The following DIP2C variants were observed in gnomAD, a reference collection of about 807,000 sequenced individuals.
DIP2C encodes disco-interacting protein 2 homolog C.
In DIP2C, 33 loss-of-function variants were observed where a neutral mutation model predicts 192.4. The ratio of observed to expected loss-of-function variants is 0.17; its 90% CI spans 0.13 to 0.23. The LOEUF (loss-of-function observed/expected upper bound fraction) is 0.23, where lower values mean the gene tolerates loss of function less well. DIP2C is among the 10% of genes least tolerant of loss of function. The pLI, the probability that DIP2C is intolerant of heterozygous loss-of-function variation, is 1.00. For missense variants in DIP2C, 1,537 were observed against 2,110.1 expected, an observed-to-expected ratio of 0.73 and a Z score of 5.32; for synonymous variants, 979 against 864.1, an observed-to-expected ratio of 1.13 and a Z score of -2.33.
chr10:441,782 C>A (rs1356210687), intron 3 of DIP2C, among the ~76,000 whole-genome samples: 1 of 152,188 alleles, frequency 6.6e-6, no homozygotes, highest in African/African-American at 2.4e-5. Context: ...ACTAATACAA[C>A]CATTAACACG....
chr10:535,570 C>G (rs1847650986), intron 1 of DIP2C, among the ~76,000 whole-genome samples: 1 of 152,134 alleles, frequency 6.6e-6, no homozygotes, highest in African/African-American at 2.4e-5. Flanking sequence ...CATTTACACT[C>G]TGCAGTGACA....
In DIP2C at chr10:688,465, A is replaced by C. The variant is rs145516102; in HGVS notation, c.85+1029T>G. On this transcript the variant is annotated intron_variant, in intron 1 of 36. Coordinates refer to ENST00000280886, the MANE Select transcript of DIP2C (RefSeq NM_014974.3). ...CTGCCGGTGAAAATTGGCACGAATGAGTTTACTTTCTGGCTGCCGGCCCTC... is the reference window on the plus strand; with the variant it reads ...CTGCCGGTGAAAATTGGCACGAATGCGTTTACTTTCTGGCTGCCGGCCCTC... Among the ~76,000 whole-genome samples, 224 of 152,306 alleles carry C rather than the reference A, an allele frequency of 1.5e-3. 4 individuals are homozygous for C. In the East Asian group the frequency reaches 0.038, roughly 26 times the overall value.
chr10:517,800 T>C (rs1305824530), intron 1 of DIP2C, among the ~76,000 whole-genome samples: 1 of 151,158 alleles, frequency 6.6e-6, no homozygotes, highest in Non-Finnish European at 1.5e-5. Context: ...AAAGGTCTCT[T>C]TATTAACAAC....
intron 1 of DIP2C, among the ~76,000 whole-genome samples, chr10:611,743 G>C (rs1853114609): frequency 6.6e-6 from 1 of 152,226 alleles, no homozygotes; most frequent in Non-Finnish European, 1.5e-5. Flanking sequence ...AGTGCCATGA[G>C]AGCAGGGGCT....
At chr10:330,361 T>TATC (rs5782546) in intron 29 of DIP2C, among the ~76,000 whole-genome samples, 149,357 of 152,220 alleles carry the variant, frequency 0.98, 73,326 homozygotes, top group East Asian at 1. Flanking sequence ...TTACATATTT[T>TATC]ATCAATTGAT....
rs185218058 is a variant in DIP2C, at chr10:528,406, A to G, written c.86-41876T>C. 4.6e-3 allele frequency among the ~76,000 whole-genome samples: 443 copies of G among 97,300 alleles called. 2 individuals carry two copies. Among genetic ancestry groups the G allele is most frequent in the African/African-American group, 7.6e-3 (111 of 14,594 alleles). 63.8% of individuals were successfully genotyped at this position (97,300 alleles called of 152,430 possible). A position where few individuals can be genotyped will look rare whatever the true frequency, so the allele number is the denominator to read the frequency against. ...AGCTCCCCCAGAACGCAGACCGCCC[A>G]CTGCTCCCCCAGAACGCAGACCGCC... On this transcript the variant is annotated intron_variant, in intron 1 of 36. Coordinates refer to ENST00000280886, the MANE Select transcript of DIP2C (RefSeq NM_014974.3).
At chr10:446,029 A>G (rs910860953) in intron 3 of DIP2C, among the ~76,000 whole-genome samples, 2 of 151,158 alleles carry the variant, frequency 1.3e-5, no homozygotes, top group East Asian at 3.9e-4. Context: ...TGCACTGGAC[A>G]TCTGTATACA....
chr10:612,491 G>A (rs1853164227), intron 1 of DIP2C, among the ~76,000 whole-genome samples: 1 of 152,184 alleles, frequency 6.6e-6, no homozygotes, highest in Admixed American at 6.5e-5. Context: ...TAAAACCTCA[G>A]GAGAAAAACA....
intron 4 of DIP2C, among the ~76,000 whole-genome samples, chr10:425,006 AGCG>A (rs1966485463): frequency 7.0e-6 from 1 of 141,898 alleles, no homozygotes; most frequent in Admixed American, 7.3e-5. Context: ...CAGCATGACC[AGCG>A]GTGACTAATA....
At position 542,189 on chromosome 10, in the gene DIP2C, C is replaced by T. The variant is rs1258461054; in HGVS notation, c.86-55659G>A. The stretch of plus-strand genomic sequence containing the variant: ...CCACCCTGTGACGGCTCACTCCCTC[C>T]TGAGCTCCTTCTGCTCCCTGCCTGC... On this transcript the variant is annotated intron_variant, in intron 1 of 36. Transcript: ENST00000280886. Among the ~76,000 whole-genome samples, 3 of 152,230 alleles carry T rather than the reference C, an allele frequency of 2.0e-5. No individual in the cohort carries two copies. In the East Asian group the frequency reaches 5.8e-4, roughly 29 times the overall value.
chr10:345,459 G>A (rs977411642), intron 26 of DIP2C, among the ~76,000 whole-genome samples: 7 of 150,650 alleles, frequency 4.6e-5, no homozygotes, highest in East Asian at 2.0e-4. Context: ...CAGTTCTCCC[G>A]GAAACGTCAC....
intron 1 of DIP2C, among the ~76,000 whole-genome samples, chr10:595,099 G>A (rs759534861): frequency 3.3e-5 from 5 of 152,168 alleles, no homozygotes; most frequent in Non-Finnish European, 7.3e-5. Flanking sequence ...CTGGGCACTC[G>A]GGACAAGAGG....
At chr10:489,180 T>C (rs1352424029) in intron 1 of DIP2C, among the ~76,000 whole-genome samples, 1 of 152,204 alleles carries the variant, frequency 6.6e-6, no homozygotes, top group East Asian at 1.9e-4. Context: ...TACGTTTTCA[T>C]GGAAAAAGTC....
chr10:647,445 G>A (rs1009943674), intron 1 of DIP2C, among the ~76,000 whole-genome samples: 1 of 150,632 alleles, frequency 6.6e-6, no homozygotes, highest in Non-Finnish European at 1.5e-5. Flanking sequence ...ATCCACATTG[G>A]ATGGTGGGCG....
In DIP2C at chr10:663,005, GTT is replaced by G. The variant is rs1403848453; in HGVS notation, c.85+26487_85+26488del. On this transcript the variant is annotated intron_variant, in intron 1 of 36. Coordinates refer to ENST00000280886, the MANE Select transcript of DIP2C (RefSeq NM_014974.3). Reference sequence around the variant, plus strand: ...TTTTATCTGAACGTCACACAAAAGGGTTTCTATGTCCAGGAAAGACTCTAAAC... The same window carrying G: ...TTTTATCTGAACGTCACACAAAAGGGTCTATGTCCAGGAAAGACTCTAAAC... The G allele has an allele frequency of 4.2e-6, 3 of 709,462 alleles. No individual in the cohort carries two copies. The South Asian group carries it at 4.5e-5, about 11-fold the overall frequency. The allele number at this position is 709,462 out of a possible 1,614,324, so 43.9% of individuals were successfully genotyped here.
chr10:437,698 T>TG, intron 4 of DIP2C: 1 of 152,336 alleles, frequency 6.6e-6, no homozygotes, highest in African/African-American at 2.4e-5. Flanking sequence ...GCAGAAGTTT[T>TG]GGCAAATTAT....
At chr10:372,760 G>A (rs1204899843) in intron 17 of DIP2C, among the ~76,000 whole-genome samples, 14 of 150,398 alleles carry the variant, frequency 9.3e-5, no homozygotes, top group African/African-American at 2.5e-4. Context: ...GGGTGCTCCC[G>A]ACACACAGGT....
chr10:515,771 C>A (rs553973983), intron 1 of DIP2C, among the ~76,000 whole-genome samples: 1 of 152,174 alleles, frequency 6.6e-6, no homozygotes, highest in South Asian at 2.1e-4. Context: ...AAGCTATGAG[C>A]ACCGCCCCCA....
intron 1 of DIP2C, among the ~76,000 whole-genome samples, chr10:495,116 A>C (rs1428751974): frequency 6.6e-6 from 1 of 152,256 alleles, no homozygotes; most frequent in African/African-American, 2.4e-5. Flanking sequence ...AAGTGAAATA[A>C]AACAGGCACA....
Sources: allele counts gnomAD v4.1 joint callset (sites outside exome capture counted in the v4.1 genomes callset), GRCh38; gene constraint gnomAD v4.1.1; transcripts MANE v1.5; gene names NCBI Gene and HGNC (gene_info 2026-07-23, HGNC 2026-07-21).